ID4: variants seen among roughly 807,000 people sequenced by gnomAD.
ID4 encodes DNA-binding protein inhibitor ID-4.
A neutral mutation model predicts 8.6 loss-of-function variants in ID4; 9 were observed. The observed-to-expected ratio is 1.04, with a 90% CI of 0.63 to 1.82. The LOEUF is 1.82. Among genes scored for constraint, ID4 ranks in the 40% most tolerant of loss-of-function variants. The probability of loss-of-function intolerance (pLI) is 0.00; values close to 1 mark genes in which losing one functional copy is unlikely to be tolerated. For missense variants in ID4, 270 were observed against 235.1 expected (o/e 1.15, Z -0.97); for synonymous variants, 180 against 118.0 (o/e 1.53, Z -3.41).
intron 1 of ID4, 132 bp downstream of exon 1, chr6:19,838,327 C>G (rs976776257): frequency 1.8e-5 from 19 of 1,031,298 alleles, no homozygotes; most frequent in Non-Finnish European, 2.5e-5. Context: ...TCCCCCTGCT[C>G]CTCCGGGCTC....
At chr6:19,838,544 G>A (rs202194675) in intron 1 of ID4, 40 bp from the exon 2 acceptor site, 3 of 1,613,770 alleles carry the variant, frequency 1.9e-6, no homozygotes, top group East Asian at 4.5e-5. Context: ...CGTTGTTTGC[G>A]CCTGCTAACC....
rs751245015 is a variant in ID4, at chr6:19,841,213, C to T, written c.*2018C>T. ...AGTATTTTGAGAATTTGATGTTGAA[C>T]GTTATAAAGTCAAAGAACTGCTTGT... On this transcript the variant is annotated 3_prime_UTR_variant, in exon 3 of 3. Transcript: ENST00000378700. Among the ~76,000 whole-genome samples the T allele has an allele frequency of 6.6e-6, 1 of 152,082 alleles. No homozygotes were observed. The highest frequency in any genetic ancestry group is 1.5e-5 in the Non-Finnish European group (1 of 67,982).
chr6:19,841,911 C>A lies in ID4; in HGVS notation c.*2716C>A, dbSNP rs1761365319. 6.6e-6 allele frequency among the ~76,000 whole-genome samples: 1 copy of A among 152,098 alleles called. No homozygotes were observed. Among genetic ancestry groups the A allele is most frequent in the Admixed American group, 6.5e-5 (1 of 15,276 alleles). ...AGACTTTTCATTGTATAGGCACAAC[C>A]AAAGAGTCAGACTGGTTTAAAACTC... On this transcript the variant is annotated 3_prime_UTR_variant, in exon 3 of 3. Coordinates refer to ENST00000378700, the MANE Select transcript of ID4 (RefSeq NM_001546.4).
At position 19,838,132 on chromosome 6, in the gene ID4, C is replaced by A. The variant is rs774141238; in HGVS notation, c.378C>A (p.His126Gln). The stretch of plus-strand genomic sequence containing the variant: ...CACCACCGCCCGCGCCGCCACACCA[C>A]CCGGCCGGGACCTGTCCAGCCGCGC... ...RQPPPPAPPH[H>Q]PAGTCPAAPP... Residue 126 changes from histidine to glutamine, a missense_variant, in exon 1 of 3, where the codon CAC becomes CAA. Around this residue, in one of 3 missense-constraint regions of ID4, gnomAD observed 107 missense variants for 81.0 expected, o/e 1.32. Coordinates refer to ENST00000378700, the MANE Select transcript of ID4 (RefSeq NM_001546.4). 5 of 1,574,746 alleles carry A rather than the reference C, an allele frequency of 3.2e-6. No individual in the cohort carries two copies. The East Asian group carries it at 1.2e-4, about 37-fold the overall frequency.
chr6:19,837,851 C>G lies in ID4; in HGVS notation c.97C>G (p.His33Asp). The part of the protein sequence containing the change: ...LALRCLAEHG[H>D]SLGGSAAAAA... ...GCTGCGCTGCCTGGCCGAGCACGGC[C>G]ACAGCCTGGGTGGCTCCGCAGCCGC... Residue 33 changes from histidine to aspartate, a missense_variant, in exon 1 of 3, where the codon CAC becomes GAC. This residue lies in a region of ID4 where 160 missense variants were observed against 131.5 expected (regional missense o/e 1.22). Coordinates refer to ENST00000378700, the MANE Select transcript of ID4 (RefSeq NM_001546.4). The G allele has an allele frequency of 2.5e-6, 3 of 1,213,030 alleles. No homozygotes were observed. Among genetic ancestry groups the G allele is most frequent in the East Asian group, 7.5e-5 (2 of 26,570 alleles). The allele number at this position is 1,213,030 out of a possible 1,614,324, so 75.1% of individuals were successfully genotyped here.
In ID4 at chr6:19,840,806, T is replaced by G. The variant is rs374423203; in HGVS notation, c.*1611T>G. 1 of 152,154 alleles carries G rather than the reference T, an allele frequency of 6.6e-6. No homozygotes were observed. The highest frequency in any genetic ancestry group is 2.4e-5 in the African/African-American group (1 of 41,454). 9.4% of individuals were successfully genotyped at this position (152,154 alleles called of 1,614,324 possible). ...TAGGACTATCAGGGTTTGTGAACAT[T>G]ATGCATTTAATGTTATGGGTACTTT... is the stretch of plus-strand genomic sequence containing the variant. On this transcript the variant is annotated 3_prime_UTR_variant, in exon 3 of 3. Coordinates refer to ENST00000378700, the MANE Select transcript of ID4 (RefSeq NM_001546.4).
Position 19,838,755 on chromosome 6 carries a change from C to T in ID4, c.*14+113C>T, listed in dbSNP as rs532937382. ...TGCCCCCAGCGTTTCTGAGAGCAAA[C>T]TCCCAAGGAAGTAAATCCCCTCTCT... On this transcript the variant is annotated intron_variant, in intron 2 of 2. Transcript: ENST00000378700. The T allele has an allele frequency of 9.0e-5, 78 of 867,980 alleles. No individual in the cohort carries two copies. In the South Asian group the frequency reaches 1.2e-3, roughly 13 times the overall value. The allele number at this position is 867,980 out of a possible 1,614,324, so 53.8% of individuals were successfully genotyped here.
intron 2 of ID4, 111 bp from the exon 3 acceptor site, chr6:19,839,099 G>C (rs928035737): frequency 5.2e-6 from 1 of 192,820 alleles, no homozygotes; most frequent in Non-Finnish European, 1.1e-5. Context: ...TGTCTGACCT[G>C]GTGGTTTGTT....
rs1761354949 is a variant in ID4 at position 19,841,269 on chromosome 6, TATTC to T, written c.*2079_*2082del. On this transcript the variant is annotated 3_prime_UTR_variant, in exon 3 of 3. Transcript: ENST00000378700. ...TGAGGTTTATTTTTATTTTTGATAT[TATTC>T]ATTCTTGTCACACATCAAGAAGAAA... is the stretch of plus-strand genomic sequence containing the variant. 6.6e-6 allele frequency among the ~76,000 whole-genome samples: 1 copy of T among 152,240 alleles called. No individual in the cohort carries two copies. The highest frequency in any genetic ancestry group is 2.4e-5 in the African/African-American group (1 of 41,474).
chr6:19,838,468 A>G, intron 1 of ID4, 116 bp from the exon 2 acceptor site: 1 of 1,399,326 alleles, frequency 7.1e-7, no homozygotes, highest in South Asian at 1.2e-5. Flanking sequence ...CCCCGGCTAC[A>G]GGCTGGGGTG....
chr6:19,838,523 C>A, intron 1 of ID4, 61 bp from the exon 2 acceptor site: 2 of 1,604,794 alleles, frequency 1.2e-6, no homozygotes. Flanking sequence ...AATCCAGGAC[C>A]GTGTCGAGCG....
rs1240962812 is a variant in ID4, at chr6:19,840,572, T to C, written c.*1377T>C. 6.6e-6 allele frequency: 1 copy of C among 152,578 alleles called. No homozygotes were observed. The highest frequency in any genetic ancestry group is 1.5e-5 in the Non-Finnish European group (1 of 67,996). The allele number at this position is 152,578 out of a possible 1,614,324, so 9.5% of individuals were successfully genotyped here. ...AATTCTGATGACCGCATCTAGATTATTTTTTTATAAAAATGATTTTCACTA... is the reference window on the plus strand; with the variant it reads ...AATTCTGATGACCGCATCTAGATTACTTTTTTATAAAAATGATTTTCACTA... On this transcript the variant is annotated 3_prime_UTR_variant, in exon 3 of 3. Coordinates refer to ENST00000378700, the MANE Select transcript of ID4 (RefSeq NM_001546.4).
rs921514440 is a variant in ID4 at position 19,839,267 on chromosome 6, A to C, written c.*72A>C. On this transcript the variant is annotated 3_prime_UTR_variant, in exon 3 of 3. Coordinates refer to ENST00000378700, the MANE Select transcript of ID4 (RefSeq NM_001546.4). ...CTAGAGAGGGAGGGGGAAGAGCAGA[A>C]GTTAGAGAAAAAAAGCCACCGGAGG... 1 of 152,304 alleles carries C rather than the reference A, an allele frequency of 6.6e-6. No individual in the cohort carries two copies. Among genetic ancestry groups the C allele is most frequent in the Non-Finnish European group, 1.5e-5 (1 of 68,042 alleles). 9.4% of individuals were successfully genotyped at this position (152,304 alleles called of 1,614,324 possible).
At chr6:19,838,674 G>T (rs1161363225) in intron 2 of ID4, 32 bp downstream of exon 2, 1 of 1,601,332 alleles carries the variant, frequency 6.2e-7, no homozygotes, top group Admixed American at 1.7e-5. Flanking sequence ...CGGGTGGCCG[G>T]TCACCAGAGA....
At position 19,840,580 on chromosome 6, in the gene ID4, T is replaced by C. The variant is rs953868212; in HGVS notation, c.*1385T>C. ...TGACCGCATCTAGATTATTTTTTTA[T>C]AAAAATGATTTTCACTATAGCTATG... On this transcript the variant is annotated 3_prime_UTR_variant, in exon 3 of 3. Coordinates refer to ENST00000378700, the MANE Select transcript of ID4 (RefSeq NM_001546.4). 6.6e-6 allele frequency: 1 copy of C among 152,614 alleles called. No homozygotes were observed. Among genetic ancestry groups the C allele is most frequent in the Non-Finnish European group, 1.5e-5 (1 of 68,004 alleles). 9.5% of individuals were successfully genotyped at this position (152,614 alleles called of 1,614,324 possible). A position where few individuals can be genotyped will look rare whatever the true frequency, so the allele number is the denominator to read the frequency against.
intron 1 of ID4, 136 bp downstream of exon 1, chr6:19,838,331 CG>C: frequency 9.9e-7 from 1 of 1,007,138 alleles, no homozygotes; most frequent in Non-Finnish European, 1.3e-6. Context: ...CCTGCTCCTC[CG>C]GGCTCCCCCG....
At chr6:19,839,000 C>G (rs1339044428) in intron 2 of ID4, 1 of 235,440 alleles carries the variant, frequency 4.2e-6, no homozygotes, top group Non-Finnish European at 8.3e-6. Context: ...AAGGGGGACG[C>G]GGGCAGGGCG....
rs1761363932 is a variant in ID4, at chr6:19,841,805, G to A, written c.*2610G>A. 6.6e-6 allele frequency among the ~76,000 whole-genome samples: 1 copy of A among 152,128 alleles called. No individual in the cohort carries two copies. Among genetic ancestry groups the A allele is most frequent in the Admixed American group, 6.5e-5 (1 of 15,272 alleles). ...CAACCAGATAACAAAAACATTTTGA[G>A]TCTTTTATCTAGGTAGTTCTAATTA... On this transcript the variant is annotated 3_prime_UTR_variant, in exon 3 of 3. Coordinates refer to ENST00000378700, the MANE Select transcript of ID4 (RefSeq NM_001546.4).
intron 1 of ID4, 146 bp from the exon 2 acceptor site, chr6:19,838,438 G>C: frequency 8.5e-7 from 1 of 1,171,750 alleles, no homozygotes; most frequent in Non-Finnish European, 1.2e-6. Context: ...GTCAAGTCCC[G>C]CCTGAGCCCG....
Sources: gnomAD v4.1 joint callset for allele counts (sites outside exome capture counted in the v4.1 genomes callset) on GRCh38, gnomAD v4.1.1 for gene constraint, gnomAD v4.1.1 regional missense constraint, MANE v1.5 for transcripts, NCBI Gene and HGNC (gene_info 2026-07-23, HGNC 2026-07-21) for gene names.